Variants in MGMT observed in about 807,000 individuals in gnomAD.
The protein encoded by MGMT is methylated-DNA--protein-cysteine methyltransferase.
In MGMT, 14 loss-of-function variants were observed where a neutral mutation model predicts 15.9. That is an observed-to-expected ratio of 0.88 (90% CI 0.58 to 1.37). The LOEUF is 1.37. Ranked by LOEUF, MGMT falls within the 40% of genes most tolerant of loss-of-function variation. The pLI is 0.00. For synonymous variants in MGMT, 130 were observed against 118.2 expected (o/e 1.10, Z -0.65); for missense variants, 282 against 268.1 (o/e 1.05, Z -0.36).
At chr10:129,726,660 A>C (rs1158096769) in intron 3 of MGMT, among the ~76,000 whole-genome samples, 1 of 152,210 alleles carries the variant, frequency 6.6e-6, no homozygotes, top group African/African-American at 2.4e-5. Flanking sequence ...TGGAAACTTG[A>C]TATTGTAAAT....
chr10:129,505,299 C>A (rs1425485821), intron 1 of MGMT, among the ~76,000 whole-genome samples: 2 of 152,130 alleles, frequency 1.3e-5, no homozygotes, highest in East Asian at 3.8e-4. Flanking sequence ...TGATAGCCTA[C>A]TTTGACTCTT....
At chr10:129,613,072 A>G (rs1283482229) in intron 2 of MGMT, among the ~76,000 whole-genome samples, 1 of 151,864 alleles carries the variant, frequency 6.6e-6, no homozygotes, top group Non-Finnish European at 1.5e-5. Flanking sequence ...ATTCCTGTTC[A>G]CTCTGGGATA....
At chr10:129,512,947 C>T (rs1845700409) in intron 1 of MGMT, among the ~76,000 whole-genome samples, 1 of 152,126 alleles carries the variant, frequency 6.6e-6, no homozygotes, top group South Asian at 2.1e-4. Context: ...GATATTTGTA[C>T]ACTGGTGTTC....
chr10:129,581,923 G>C (rs1846560472), intron 2 of MGMT, among the ~76,000 whole-genome samples: 1 of 152,212 alleles, frequency 6.6e-6, no homozygotes, highest in Non-Finnish European at 1.5e-5. Context: ...TACTCAATCA[G>C]CTTTCTGTTG....
chr10:129,550,574 G>A (rs1846146065), intron 2 of MGMT, among the ~76,000 whole-genome samples: 1 of 151,810 alleles, frequency 6.6e-6, no homozygotes, highest in Admixed American at 6.6e-5. Flanking sequence ...AGCCCCCCAA[G>A]TAGCTGGGAT....
chr10:129,675,850 T>C (rs1283830515), intron 2 of MGMT, among the ~76,000 whole-genome samples: 1 of 152,148 alleles, frequency 6.6e-6, no homozygotes, highest in East Asian at 1.9e-4. Flanking sequence ...CCAGAGCCCA[T>C]TTCCCTGTGG....
At position 129,767,956 on chromosome 10, in the gene MGMT, A is replaced by G. The variant is rs769857962; in HGVS notation, c.*959A>G. The G allele has an allele frequency of 6.6e-6, 1 of 152,224 alleles. No individual in the cohort carries two copies. The highest frequency in any genetic ancestry group is 1.5e-5 in the Non-Finnish European group (1 of 68,038). 9.4% of individuals were successfully genotyped at this position (152,224 alleles called of 1,614,324 possible). On this transcript the variant is annotated 3_prime_UTR_variant, in exon 5 of 5. Transcript: ENST00000651593. ...ATTATTGTGTTGTCATCCTAGCTGT[A>G]TAATTAACTATATCCAAAAGCCGGA... is the stretch of plus-strand genomic sequence containing the variant.
At chr10:129,647,348 C>A (rs1246065051) in intron 2 of MGMT, among the ~76,000 whole-genome samples, 1 of 152,118 alleles carries the variant, frequency 6.6e-6, no homozygotes, top group Non-Finnish European at 1.5e-5. Flanking sequence ...TCAAGAAATA[C>A]GTTAAATGCA....
At chr10:129,703,583 G>A (rs1007646378) in intron 2 of MGMT, among the ~76,000 whole-genome samples, 2 of 152,040 alleles carry the variant, frequency 1.3e-5, no homozygotes, top group South Asian at 2.1e-4. Flanking sequence ...TGCATGCCTC[G>A]CCAACCAATC....
At chr10:129,662,747 A>G (rs1168818121) in intron 2 of MGMT, among the ~76,000 whole-genome samples, 2 of 152,116 alleles carry the variant, frequency 1.3e-5, no homozygotes, top group Non-Finnish European at 2.9e-5. Context: ...TAATCAGGCA[A>G]ATGAAACCAT....
At chr10:129,583,792 A>G (rs1846585704) in intron 2 of MGMT, among the ~76,000 whole-genome samples, 1 of 152,182 alleles carries the variant, frequency 6.6e-6, no homozygotes, top group Admixed American at 6.5e-5. Flanking sequence ...AGATGGAAAC[A>G]CCATTGCATC....
At chr10:129,624,999 G>A (rs1026933729) in intron 2 of MGMT, among the ~76,000 whole-genome samples, 7 of 152,078 alleles carry the variant, frequency 4.6e-5, no homozygotes, top group African/African-American at 1.2e-4. Flanking sequence ...GGAAAGAGTC[G>A]TAAAAATTTT....
At chr10:129,687,915 T>A (rs192433874) in intron 2 of MGMT, among the ~76,000 whole-genome samples, 36 of 152,114 alleles carry the variant, frequency 2.4e-4, no homozygotes, top group Admixed American at 2.4e-3. Context: ...TTCTCATTGT[T>A]CAGTTCCCAC....
At chr10:129,524,340 A>G (rs1480388152) in intron 1 of MGMT, among the ~76,000 whole-genome samples, 1 of 152,126 alleles carries the variant, frequency 6.6e-6, no homozygotes. Flanking sequence ...GTTGTTCTCT[A>G]CACAATTAGC....
intron 3 of MGMT, among the ~76,000 whole-genome samples, chr10:129,752,904 T>C (rs11511209): frequency 0.086 from 13,140 of 152,214 alleles, 814 homozygotes; most frequent in Non-Finnish European, 0.13. Flanking sequence ...TCTGCCTGCA[T>C]TCCTGATGTT....
chr10:129,554,310 T>G (rs1359821110), intron 2 of MGMT, among the ~76,000 whole-genome samples: 1 of 152,236 alleles, frequency 6.6e-6, no homozygotes, highest in Admixed American at 6.5e-5. Flanking sequence ...AGTGATAGTC[T>G]TTTGGTGTAA....
At chr10:129,697,989 C>T (rs1848051413) in intron 2 of MGMT, among the ~76,000 whole-genome samples, 2 of 152,182 alleles carry the variant, frequency 1.3e-5, no homozygotes, top group South Asian at 2.1e-4. Flanking sequence ...TAGCCTGTAG[C>T]GGCCACTTGC....
At chr10:129,607,511 T>G (rs1846906254) in intron 2 of MGMT, among the ~76,000 whole-genome samples, 1 of 152,200 alleles carries the variant, frequency 6.6e-6, no homozygotes, top group South Asian at 2.1e-4. Context: ...GTAACTTGTG[T>G]GTAATTTCTT....
chr10:129,675,580 CG>C (rs1244328105), intron 2 of MGMT, among the ~76,000 whole-genome samples: 1 of 152,078 alleles, frequency 6.6e-6, no homozygotes, highest in African/African-American at 2.4e-5. Flanking sequence ...CCAGGAGTGG[CG>C]GGAACAACGC....
Sources: gnomAD v4.1 joint callset for allele counts (sites outside exome capture counted in the v4.1 genomes callset) on GRCh38, gnomAD v4.1.1 for gene constraint, MANE v1.5 for transcripts, NCBI Gene and HGNC (gene_info 2026-07-23, HGNC 2026-07-21) for gene names.